BABAM2: variants seen among roughly 807,000 people sequenced by gnomAD.
The protein encoded by BABAM2 is BRISC and BRCA1-A complex member 2.
BABAM2 carries 31 observed loss-of-function variants against 54.7 expected under a neutral mutation model. The observed-to-expected ratio is 0.57, with a 90% CI of 0.43 to 0.77. BABAM2 has a LOEUF of 0.77. Among genes scored for constraint, BABAM2 ranks in the 30% least tolerant of loss-of-function variants. BABAM2 has a pLI of 0.00. For synonymous variants in BABAM2, 167 were observed against 162.9 expected, an observed-to-expected ratio of 1.03 and a Z score of -0.19; for missense variants, 364 against 455.8, an observed-to-expected ratio of 0.80 and a Z score of 1.83.
At chr2:28,175,656 C>T (rs1313499833) in intron 7 of BABAM2, among the ~76,000 whole-genome samples, 1 of 152,222 alleles carries the variant, frequency 6.6e-6, no homozygotes, top group Admixed American at 6.5e-5. Context: ...TCAGGGTTGT[C>T]CCACCACTGC....
intron 6 of BABAM2, among the ~76,000 whole-genome samples, chr2:28,121,206 C>T (rs901979867): frequency 1.3e-5 from 2 of 152,148 alleles, no homozygotes; most frequent in East Asian, 3.9e-4. Context: ...CACAGGGGAC[C>T]CGTTTATTGC....
chr2:28,080,960 G>C (rs1318992252), intron 6 of BABAM2, among the ~76,000 whole-genome samples: 1 of 152,120 alleles, frequency 6.6e-6, no homozygotes, highest in African/African-American at 2.4e-5. Context: ...ACCTTCGTCT[G>C]GATCTTTTGT....
rs534459550 is a variant in BABAM2 at position 28,112,542 on chromosome 2, C to CT, written c.571-16723dup. On this transcript the variant is annotated intron_variant, in intron 6 of 11. Transcript: ENST00000379624. ...TCCCTGCAAAGGACATGAACTCATC[C>CT]TTTTTTATGACTGGATAGTATTCTA... Among the ~76,000 whole-genome samples the CT allele has an allele frequency of 4.8e-3, 732 of 152,042 alleles. 8 individuals are homozygous for CT. The highest frequency in any genetic ancestry group is 0.017 in the African/African-American group (705 of 41,438).
At chr2:28,293,875 T>A (rs1393652133) in intron 10 of BABAM2, among the ~76,000 whole-genome samples, 1 of 151,840 alleles carries the variant, frequency 6.6e-6, no homozygotes, top group African/African-American at 2.4e-5. Flanking sequence ...ATTAAAAATT[T>A]AAAAAAAGAG....
intron 10 of BABAM2, among the ~76,000 whole-genome samples, chr2:28,246,561 A>G (rs927484398): frequency 1.4e-4 from 21 of 152,148 alleles, no homozygotes; most frequent in African/African-American, 5.1e-4. Context: ...GTGGCTGTGG[A>G]CAACTCCATC....
intron 7 of BABAM2, among the ~76,000 whole-genome samples, chr2:28,200,832 A>G (rs1370788563): frequency 6.6e-6 from 1 of 152,098 alleles, no homozygotes; most frequent in Non-Finnish European, 1.5e-5. Flanking sequence ...GCAGTGATGC[A>G]ATCTTGGCCC....
At chr2:27,897,320 G>A (rs189322514) in intron 2 of BABAM2, 3 of 152,286 alleles carry the variant, frequency 2.0e-5, no homozygotes, top group Admixed American at 6.5e-5. Flanking sequence ...CTGAGTTAAC[G>A]TTCTTTAGTG....
At chr2:28,214,419 T>C (rs1679751414) in intron 7 of BABAM2, among the ~76,000 whole-genome samples, 1 of 152,230 alleles carries the variant, frequency 6.6e-6, no homozygotes, top group African/African-American at 2.4e-5. Flanking sequence ...GATTAACTTT[T>C]GTGTGTTGAT....
intron 4 of BABAM2, among the ~76,000 whole-genome samples, chr2:27,999,668 AT>A (rs1026297034): frequency 1.3e-5 from 2 of 152,000 alleles, no homozygotes; most frequent in Non-Finnish European, 2.9e-5. Context: ...TGAGGATAAT[AT>A]TTTTTTCTTT....
chr2:28,310,166 G>T (rs773017935), intron 11 of BABAM2: 7 of 1,612,458 alleles, frequency 4.3e-6, no homozygotes, highest in Non-Finnish European at 5.9e-6. Flanking sequence ...CAGTGAGAAC[G>T]TGTTATTTAT....
intron 7 of BABAM2, among the ~76,000 whole-genome samples, chr2:28,151,579 A>G (rs1558386624): frequency 6.6e-6 from 1 of 152,166 alleles, no homozygotes; most frequent in Non-Finnish European, 1.5e-5. Flanking sequence ...CCATCTCAAA[A>G]AAAAGAAAAG....
chr2:28,296,141 CAG>C (rs1558508738), intron 10 of BABAM2, among the ~76,000 whole-genome samples: 1 of 151,874 alleles, frequency 6.6e-6, no homozygotes, highest in African/African-American at 2.4e-5. Flanking sequence ...AAATATTAAT[CAG>C]AAGAAATGGA....
At chr2:28,301,889 T>C (rs1688133967) in intron 11 of BABAM2, among the ~76,000 whole-genome samples, 1 of 152,234 alleles carries the variant, frequency 6.6e-6, no homozygotes, top group African/African-American at 2.4e-5. Context: ...CAGTATAATT[T>C]ATATACAATG....
chr2:28,159,869 C>A (rs1672890815), intron 7 of BABAM2, among the ~76,000 whole-genome samples: 1 of 150,938 alleles, frequency 6.6e-6, no homozygotes, highest in South Asian at 2.1e-4. Flanking sequence ...GAGCAAAACT[C>A]CATCCCCGCC....
chr2:27,987,481 A>G (rs897545341), intron 3 of BABAM2, among the ~76,000 whole-genome samples: 2 of 152,076 alleles, frequency 1.3e-5, no homozygotes, highest in African/African-American at 4.8e-5. Flanking sequence ...GTACTTGGAG[A>G]TAAAGCTTTT....
At chr2:28,092,706 A>G (rs965445258) in intron 6 of BABAM2, among the ~76,000 whole-genome samples, 1 of 151,704 alleles carries the variant, frequency 6.6e-6, no homozygotes. Flanking sequence ...GTACCTAACC[A>G]ATTAATCTTA....
At chr2:28,135,790 C>G (rs1670481036) in intron 7 of BABAM2, among the ~76,000 whole-genome samples, 1 of 152,202 alleles carries the variant, frequency 6.6e-6, no homozygotes, top group South Asian at 2.1e-4. Flanking sequence ...AACCCACTCT[C>G]CACAATGTCT....
intron 10 of BABAM2, among the ~76,000 whole-genome samples, chr2:28,257,263 C>A: frequency 6.6e-6 from 1 of 152,014 alleles, no homozygotes; most frequent in East Asian, 1.9e-4. Context: ...TTTTGGCAAC[C>A]ACATACAGGC....
intron 10 of BABAM2, among the ~76,000 whole-genome samples, chr2:28,275,392 A>C (rs1398267832): frequency 6.6e-6 from 1 of 152,302 alleles, no homozygotes; most frequent in East Asian, 1.9e-4. Flanking sequence ...CAGGTTGTGA[A>C]GGTATAAGCC....
Sources: allele counts gnomAD v4.1 joint callset (sites outside exome capture counted in the v4.1 genomes callset), GRCh38; gene constraint gnomAD v4.1.1; transcripts MANE v1.5; gene names NCBI Gene and HGNC (gene_info 2026-07-23, HGNC 2026-07-21).